Variants in SLC25A16 observed in about 807,000 individuals in gnomAD.
SLC25A16 encodes the protein mitochondrial coenzyme A transporter SLC25A16.
SLC25A16 carries 39 observed loss-of-function variants against 41.5 expected under a neutral mutation model. The ratio of observed to expected loss-of-function variants is 0.94; its 90% confidence interval spans 0.73 to 1.23. The LOEUF is 1.23. Ranked by LOEUF, SLC25A16 falls within the 50% of genes most tolerant of loss-of-function variation. The probability of loss-of-function intolerance (pLI) is 0.00; values close to 1 mark genes in which losing one functional copy is unlikely to be tolerated. For missense variants in SLC25A16, 421 were observed against 426.9 expected, an observed-to-expected ratio of 0.99 and a Z score of 0.12; for synonymous variants, 146 against 147.8, an observed-to-expected ratio of 0.99 and a Z score of 0.09.
intron 6 of SLC25A16, among the ~76,000 whole-genome samples, chr10:68,488,970 A>G (rs2052610562): frequency 6.6e-6 from 1 of 152,148 alleles, no homozygotes; most frequent in African/African-American, 2.4e-5. Context: ...ACAACTTAAC[A>G]TTTAAAATAA....
At chr10:68,511,670 A>G (rs570832239) in intron 2 of SLC25A16, among the ~76,000 whole-genome samples, 1 of 152,222 alleles carries the variant, frequency 6.6e-6, no homozygotes, top group Admixed American at 6.6e-5. Context: ...AGTTTTTTAT[A>G]ATCTCTCAAT....
chr10:68,510,899 C>T (rs2053052132), intron 2 of SLC25A16, among the ~76,000 whole-genome samples: 1 of 151,984 alleles, frequency 6.6e-6, no homozygotes, highest in South Asian at 2.1e-4. Flanking sequence ...CTTATACCTA[C>T]AAAAAGTGGG....
At chr10:68,507,587 C>T (rs1431890135) in intron 2 of SLC25A16, among the ~76,000 whole-genome samples, 1 of 152,084 alleles carries the variant, frequency 6.6e-6, no homozygotes, top group Non-Finnish European at 1.5e-5. Context: ...AATCTATATA[C>T]AGTGATATTC....
chr10:68,496,157 G>A (rs2052747416), intron 4 of SLC25A16, among the ~76,000 whole-genome samples: 1 of 152,040 alleles, frequency 6.6e-6, no homozygotes, highest in African/African-American at 2.4e-5. Context: ...GCACATCAAA[G>A]CTCACAAATT....
In SLC25A16 at chr10:68,483,583, A is replaced by G; in HGVS notation, c.848T>C (p.Met283Thr). 1 of 1,598,604 alleles carries G rather than the reference A, an allele frequency of 6.3e-7. No individual in the cohort carries two copies. Among genetic ancestry groups the G allele is most frequent in the Non-Finnish European group, 8.5e-7 (1 of 1,173,784 alleles). The change falls in exon 9 of 9, where the codon ATG (methionine) becomes ACG (threonine). Residue 283 changes from methionine to threonine, a missense_variant. Coordinates refer to ENST00000609923, the MANE Select transcript of SLC25A16 (RefSeq NM_152707.4). ...VLPEFEKCLT[M>T]RDTMKYVYGH... is the part of the protein sequence containing the mutation. Reference sequence around the variant, plus strand: ...ATAGACATACTTCATAGTATCCCGCATGGTACTGAAAGACAATGATTAAAT... The same window carrying G: ...ATAGACATACTTCATAGTATCCCGCGTGGTACTGAAAGACAATGATTAAAT...
rs2052493120 is a variant in SLC25A16 at position 68,482,354 on chromosome 10, A to C, written c.*1078T>G. On this transcript the variant is annotated 3_prime_UTR_variant, in exon 9 of 9. Transcript: ENST00000609923. The stretch of plus-strand genomic sequence containing the variant: ...TCTAAACAGAATAAATGGAATTCTT[A>C]CATTTTAAAACATTTTCTTAATATA... 6.6e-6 allele frequency: 1 copy of C among 152,594 alleles called. No individual in the cohort carries two copies. The highest frequency in any genetic ancestry group is 2.4e-5 in the African/African-American group (1 of 41,460). 9.5% of individuals were successfully genotyped at this position (152,594 alleles called of 1,614,324 possible). A position where few individuals can be genotyped will look rare whatever the true frequency, so the allele number is the denominator to read the frequency against.
At chr10:68,515,451 T>C (rs1184938383) in intron 2 of SLC25A16, among the ~76,000 whole-genome samples, 1 of 152,018 alleles carries the variant, frequency 6.6e-6, no homozygotes, top group Non-Finnish European at 1.5e-5. Flanking sequence ...AAAGGAGTAA[T>C]TATTTCAGTT....
chr10:68,485,855 TG>T (rs2052551522), intron 8 of SLC25A16, among the ~76,000 whole-genome samples: 1 of 147,106 alleles, frequency 6.8e-6, no homozygotes, highest in Non-Finnish European at 1.5e-5. Context: ...TGGAGTGCAG[TG>T]GTGCGATCTC....
At chr10:68,505,155 C>T (rs2795900) in intron 3 of SLC25A16, among the ~76,000 whole-genome samples, 37,217 of 151,924 alleles carry the variant, frequency 0.24, 5,254 homozygotes, top group Admixed American at 0.35. Context: ...TTTAAAAAAT[C>T]AGCCAGGCCT....
intron 4 of SLC25A16, among the ~76,000 whole-genome samples, chr10:68,501,270 C>G (rs1214486299): frequency 6.6e-6 from 1 of 151,704 alleles, no homozygotes; most frequent in Admixed American, 6.6e-5. Flanking sequence ...AAGTGATATA[C>G]AAAATAACAC....
At chr10:68,483,852 C>T (rs899180519) in intron 8 of SLC25A16, among the ~76,000 whole-genome samples, 10 of 151,968 alleles carry the variant, frequency 6.6e-5, no homozygotes, top group African/African-American at 1.5e-4. Flanking sequence ...TTAGTAGAGA[C>T]GGGGTTTCTC....
chr10:68,503,703 A>G lies in SLC25A16; in HGVS notation c.358-8T>C, dbSNP rs2052898314. On this transcript the variant is annotated splice_polypyrimidine_tract_variant and splice_region_variant and intron_variant, in intron 3 of 8. Coordinates refer to ENST00000609923, the MANE Select transcript of SLC25A16 (RefSeq NM_152707.4). ...CAGCTTCGTAGTAATTAACTAGAAA[A>G]CAAGAACACTGAATTAAATGAGATA... The G allele has an allele frequency of 2.6e-6, 4 of 1,559,438 alleles. No homozygotes were observed. In the East Asian group the frequency reaches 9.0e-5, roughly 35 times the overall value.
Position 68,527,488 on chromosome 10 carries a change from T to G in SLC25A16, c.-113A>C. 11 of 1,035,462 alleles carry G rather than the reference T, an allele frequency of 1.1e-5. No individual in the cohort carries two copies. The highest frequency in any genetic ancestry group is 3.6e-5 in the Admixed American group (1 of 27,704). The allele number at this position is 1,035,462 out of a possible 1,614,324, so 64.1% of individuals were successfully genotyped here. A position where few individuals can be genotyped will look rare whatever the true frequency, so the allele number is the denominator to read the frequency against. On this transcript the variant is annotated 5_prime_UTR_variant, in exon 1 of 9. Coordinates refer to ENST00000609923, the MANE Select transcript of SLC25A16 (RefSeq NM_152707.4). ...TGACCGCCCCGCCGGCGGGGCAAAG[T>G]AACACCCGGCGGCGCGGCGCCGGCT...
chr10:68,509,790 T>C (rs1312229591), intron 2 of SLC25A16, among the ~76,000 whole-genome samples: 1 of 150,560 alleles, frequency 6.6e-6, no homozygotes, highest in East Asian at 1.9e-4. Context: ...TATAGATAGA[T>C]ATATTTTTTA....
intron 2 of SLC25A16, among the ~76,000 whole-genome samples, chr10:68,514,762 A>T (rs1196312534): frequency 2.0e-5 from 3 of 151,356 alleles, no homozygotes; most frequent in Admixed American, 6.6e-5. Flanking sequence ...TTTCAGACGA[A>T]GTCTCGCTCT....
At chr10:68,486,633 C>G (rs1455168748) in intron 8 of SLC25A16, among the ~76,000 whole-genome samples, 1 of 151,800 alleles carries the variant, frequency 6.6e-6, no homozygotes, top group African/African-American at 2.4e-5. Flanking sequence ...CTCGGATTCC[C>G]AAAGTGCTAG....
intron 1 of SLC25A16, among the ~76,000 whole-genome samples, chr10:68,519,093 G>A (rs1341674553): frequency 6.6e-6 from 1 of 152,166 alleles, no homozygotes; most frequent in South Asian, 2.1e-4. Flanking sequence ...TTGGGAGGCT[G>A]AGGCAGGAGA....
At chr10:68,488,155 C>CT (rs1564909845) in intron 7 of SLC25A16, among the ~76,000 whole-genome samples, 1 of 151,892 alleles carries the variant, frequency 6.6e-6, no homozygotes, top group African/African-American at 2.4e-5. Context: ...CACCCTCTTT[C>CT]TTTTTTTCTT....
At chr10:68,522,740 G>A (rs1465630299) in intron 1 of SLC25A16, among the ~76,000 whole-genome samples, 2 of 150,940 alleles carry the variant, frequency 1.3e-5, no homozygotes, top group Non-Finnish European at 2.9e-5. Context: ...ACTTGAACCT[G>A]GGAGCTGGAG....
Sources: gnomAD v4.1 joint callset for allele counts (sites outside exome capture counted in the v4.1 genomes callset) on GRCh38, gnomAD v4.1.1 for gene constraint, MANE v1.5 for transcripts, NCBI Gene and HGNC (gene_info 2026-07-23, HGNC 2026-07-21) for gene names.